The following FKTN variants were observed in gnomAD, a reference collection of about 807,000 sequenced individuals.
FKTN encodes the protein ribitol-5-phosphate transferase FKTN.
Under a neutral mutation model 58.6 loss-of-function variants are expected in FKTN, and 47 were observed. The observed-to-expected ratio is 0.80, with a 90% CI of 0.63 to 1.02. The LOEUF is 1.02. FKTN is among the 50% of genes least tolerant of loss of function. The probability of loss-of-function intolerance (pLI) is 0.00; values close to 1 mark genes in which losing one functional copy is unlikely to be tolerated. For missense variants in FKTN, 516 were observed against 537.3 expected (o/e 0.96, Z 0.39); for synonymous variants, 178 against 191.9 (o/e 0.93, Z 0.60).
At chr9:105,586,990 T>C (rs866019113) in intron 3 of FKTN, among the ~76,000 whole-genome samples, 2 of 152,198 alleles carry the variant, frequency 1.3e-5, no homozygotes, top group South Asian at 2.1e-4. Flanking sequence ...TATTCCAACA[T>C]GTAAATATAA....
rs1377126217 is a variant in FKTN at position 105,620,081 on chromosome 9, TTA to T, written c.1172+22_1172+23del. On this transcript the variant is annotated intron_variant, in intron 10 of 10. Transcript: ENST00000357998. ...ATTCAAGTATGAATCAAATAAGTAC[TTA>T]TTTATAAAGGTACTACAGAAATAAT... The T allele has an allele frequency of 1.0e-5, 16 of 1,595,880 alleles. No homozygotes were observed. The highest frequency in any genetic ancestry group is 1.7e-5 in the Admixed American group (1 of 59,926).
At chr9:105,633,231 A>G (rs1191296345) in intron 10 of FKTN, 1 of 152,182 alleles carries the variant, frequency 6.6e-6, no homozygotes, top group Non-Finnish European at 1.5e-5. Flanking sequence ...CATTATTTAT[A>G]TATTTAAAAT....
In FKTN at chr9:105,639,730, T is replaced by C. The variant is rs1834295739; in HGVS notation, c.*4466T>C. The C allele has an allele frequency of 8.2e-6, 8 of 978,878 alleles. No homozygotes were observed. Among genetic ancestry groups the C allele is most frequent in the Non-Finnish European group, 8.6e-6 (7 of 811,212 alleles). The allele number at this position is 978,878 out of a possible 1,614,324, so 60.6% of individuals were successfully genotyped here. ...TATATGGTTTGTGAATTCAGAGACA[T>C]TACCAGTTTGCCTCCTTCTCTCAAT... is the stretch of plus-strand genomic sequence containing the variant. On this transcript the variant is annotated 3_prime_UTR_variant, in exon 11 of 11. Transcript: ENST00000357998.
intron 3 of FKTN, among the ~76,000 whole-genome samples, chr9:105,595,772 C>G (rs1219390705): frequency 6.6e-6 from 1 of 152,162 alleles, no homozygotes; most frequent in Non-Finnish European, 1.5e-5. Flanking sequence ...GGTTTAGGAA[C>G]TTGGAGCACA....
At chr9:105,631,910 A>G in intron 10 of FKTN, among the ~76,000 whole-genome samples, 1 of 150,640 alleles carries the variant, frequency 6.6e-6, no homozygotes, top group African/African-American at 2.5e-5. Context: ...CAGCCATCCC[A>G]TTACTGGGTA....
chr9:105,615,166 G>C, intron 7 of FKTN, 112 bp from the exon 8 acceptor site: 1 of 1,171,924 alleles, frequency 8.5e-7, no homozygotes, highest in Non-Finnish European at 1.3e-6. Flanking sequence ...TTACAGGCGT[G>C]AGCCACTGTG....
In FKTN at chr9:105,635,364, G is replaced by A. The variant is rs542491025; in HGVS notation, c.*100G>A. Reference sequence around the variant, plus strand: ...TTGTCAAACATAAGTGGGAACCAAAGAAAAAATGTGACAAGTTTGAAGACA... The same window carrying A: ...TTGTCAAACATAAGTGGGAACCAAAAAAAAAATGTGACAAGTTTGAAGACA... On this transcript the variant is annotated 3_prime_UTR_variant, in exon 11 of 11. Coordinates refer to ENST00000357998, the MANE Select transcript of FKTN (RefSeq NM_001079802.2). The A allele has an allele frequency of 4.5e-4, 697 of 1,559,178 alleles. 1 individual carries two copies. The highest frequency in any genetic ancestry group is 4.7e-4 in the Non-Finnish European group (545 of 1,154,324).
chr9:105,562,609 C>T (rs1194916788), intron 1 of FKTN, among the ~76,000 whole-genome samples: 1 of 152,208 alleles, frequency 6.6e-6, no homozygotes, highest in Non-Finnish European at 1.5e-5. Flanking sequence ...ATCTTGTAGT[C>T]TTTCATTACC....
chr9:105,604,746 G>A (rs1828555151), intron 6 of FKTN, among the ~76,000 whole-genome samples: 1 of 152,074 alleles, frequency 6.6e-6, no homozygotes, highest in East Asian at 1.9e-4. Context: ...CCTGAGGTCA[G>A]GAGTTCGAGA....
intron 10 of FKTN, among the ~76,000 whole-genome samples, chr9:105,626,885 T>TA (rs1368101232): frequency 2.6e-5 from 4 of 152,168 alleles, no homozygotes; most frequent in Non-Finnish European, 5.9e-5. Flanking sequence ...TTTTGTGAGT[T>TA]ACTGGCTGAG....
intron 10 of FKTN, among the ~76,000 whole-genome samples, chr9:105,628,158 A>C (rs777313728): frequency 2.0e-5 from 3 of 152,226 alleles, no homozygotes; most frequent in Non-Finnish European, 2.9e-5. Context: ...ACAGCTGTGA[A>C]GCTAAAGGCA....
chr9:105,624,623 CAAAAA>C (rs779770311), intron 10 of FKTN, among the ~76,000 whole-genome samples: 3 of 69,178 alleles, frequency 4.3e-5, no homozygotes, highest in Non-Finnish European at 6.3e-5. Flanking sequence ...AGAGCAAAAC[CAAAAA>C]AAAAAAAAAA....
Position 105,637,521 on chromosome 9 carries a change from C to T in FKTN, c.*2257C>T. On this transcript the variant is annotated 3_prime_UTR_variant, in exon 11 of 11. Coordinates refer to ENST00000357998, the MANE Select transcript of FKTN (RefSeq NM_001079802.2). ...TACCTCTGATTCTGATTCATCCATACTTCATCTTATGTATTTTAACAGTTG... is the reference window on the plus strand; with the variant it reads ...TACCTCTGATTCTGATTCATCCATATTTCATCTTATGTATTTTAACAGTTG... 7.1e-6 allele frequency: 7 copies of T among 985,422 alleles called. 1 individual carries two copies. The South Asian group carries it at 3.3e-4, about 46-fold the overall frequency. The allele number at this position is 985,422 out of a possible 1,614,324, so 61.0% of individuals were successfully genotyped here. A position where few individuals can be genotyped will look rare whatever the true frequency, so the allele number is the denominator to read the frequency against.
intron 4 of FKTN, among the ~76,000 whole-genome samples, chr9:105,597,825 T>G (rs955445970): frequency 2.0e-5 from 3 of 152,158 alleles, no homozygotes; most frequent in African/African-American, 7.2e-5. Flanking sequence ...GATTTGCCAT[T>G]TATTAGGAGT....
chr9:105,634,973 C>G, intron 10 of FKTN, 78 bp from the exon 11 acceptor site: 1 of 1,142,016 alleles, frequency 8.8e-7, no homozygotes, highest in Non-Finnish European at 1.3e-6. Flanking sequence ...GTCCTTCAGC[C>G]AATAATGCAC....
chr9:105,605,482 A>G lies in FKTN; in HGVS notation c.647+990A>G, dbSNP rs1360321860. ...TATTTAAGTTAATATTAGGAATAAT[A>G]TAACCACTGTTGATAACTAACAATA... On this transcript the variant is annotated intron_variant, in intron 6 of 10. Transcript: ENST00000357998. Among the ~76,000 whole-genome samples, 8 of 152,322 alleles carry G rather than the reference A, an allele frequency of 5.3e-5. No homozygotes were observed. The South Asian group carries it at 1.7e-3, about 32-fold the overall frequency.
At chr9:105,622,373 T>C (rs936241832) in intron 10 of FKTN, among the ~76,000 whole-genome samples, 2 of 152,010 alleles carry the variant, frequency 1.3e-5, no homozygotes, top group Non-Finnish European at 2.9e-5. Flanking sequence ...AGAAAAAAGA[T>C]TTTCTTTCTA....
intron 1 of FKTN, among the ~76,000 whole-genome samples, chr9:105,569,860 C>G (rs1418957339): frequency 6.6e-6 from 1 of 152,108 alleles, no homozygotes; most frequent in East Asian, 1.9e-4. Context: ...TTTACTATCT[C>G]TGCAATACTT....
intron 8 of FKTN, among the ~76,000 whole-genome samples, chr9:105,617,372 A>C (rs1212046635): frequency 6.6e-6 from 1 of 152,210 alleles, no homozygotes; most frequent in African/African-American, 2.4e-5. Context: ...TGAAGCTGCT[A>C]CTGCTTTTCT....
Sources: allele counts gnomAD v4.1 joint callset (sites outside exome capture counted in the v4.1 genomes callset), GRCh38; gene constraint gnomAD v4.1.1; transcripts MANE v1.5; gene names NCBI Gene and HGNC (gene_info 2026-07-23, HGNC 2026-07-21).